The following TMCC3 variants were observed in gnomAD, a reference collection of about 807,000 sequenced individuals.
TMCC3 encodes the protein transmembrane and coiled-coil domain family 3.
TMCC3 carries 28 observed loss-of-function variants against 40.2 expected under a neutral mutation model. That is an observed-to-expected ratio of 0.70 (90% CI 0.52 to 0.95). The LOEUF (loss-of-function observed/expected upper bound fraction) is 0.95, where lower values mean the gene tolerates loss of function less well. Among genes scored for constraint, TMCC3 ranks in the 40% least tolerant of loss-of-function variants. TMCC3 has a pLI of 0.00. For missense variants in TMCC3, 554 were observed against 615.2 expected (o/e 0.90, Z 1.05); for synonymous variants, 255 against 248.5 (o/e 1.03, Z -0.25).
chr12:94,642,858 T>G (rs60271166), intron 1 of TMCC3, among the ~76,000 whole-genome samples: 24,099 of 152,118 alleles, frequency 0.16, 2,067 homozygotes, highest in African/African-American at 0.2. Context: ...ACAACCCTTG[T>G]AAAAACCTAA....
intron 3 of TMCC3, among the ~76,000 whole-genome samples, chr12:94,573,883 A>T (rs1163566621): frequency 6.6e-6 from 1 of 152,064 alleles, no homozygotes; most frequent in African/African-American, 2.4e-5. Flanking sequence ...TGATTGCCAC[A>T]TCCCTGGGGA....
At chr12:94,650,234 G>T (rs2069048225) in intron 1 of TMCC3, 119 bp downstream of exon 1, 1 of 521,248 alleles carries the variant, frequency 1.9e-6, no homozygotes, top group Non-Finnish European at 2.7e-6. Flanking sequence ...GACCTCCGGC[G>T]GCAGCGGAGG....
At position 94,613,085 on chromosome 12, in the gene TMCC3, T is replaced by C. The variant is rs183337520; in HGVS notation, c.79-30547A>G. 1.7e-3 allele frequency among the ~76,000 whole-genome samples: 249 copies of C among 150,748 alleles called. 2 individuals carry two copies. The highest frequency in any genetic ancestry group is 2.2e-3 in the Non-Finnish European group (147 of 67,692). On this transcript the variant is annotated intron_variant, in intron 1 of 3. Transcript: ENST00000261226. ...CGCACATTGGAGATATATATATATATACACACAATAAAATGGATACACACA... is the reference window on the plus strand; with the variant it reads ...CGCACATTGGAGATATATATATATACACACACAATAAAATGGATACACACA...
chr12:94,644,703 C>G (rs1406142990), intron 1 of TMCC3, among the ~76,000 whole-genome samples: 2 of 152,194 alleles, frequency 1.3e-5, no homozygotes, highest in African/African-American at 4.8e-5. Context: ...TATCTGTGTA[C>G]TACTCAACTT....
At chr12:94,645,003 A>G (rs765180847) in intron 1 of TMCC3, among the ~76,000 whole-genome samples, 4 of 152,222 alleles carry the variant, frequency 2.6e-5, no homozygotes, top group Admixed American at 6.5e-5. Flanking sequence ...TATTATCATC[A>G]TGTTCTCCTG....
At chr12:94,591,056 A>C in intron 1 of TMCC3, 1 of 529,138 alleles carries the variant, frequency 1.9e-6, no homozygotes, top group East Asian at 5.0e-5. Flanking sequence ...AAATCAAGGA[A>C]ACAGAATATT....
Position 94,582,388 on chromosome 12 carries a change from T to G in TMCC3, c.229A>C (p.Lys77Gln), listed in dbSNP as rs1485083580. Residue 77 changes from lysine (K) to glutamine (Q), a missense_variant, in exon 2 of 4, where the codon AAG becomes CAG. Transcript: ENST00000261226. ...TCAATTTTTATCTGCTCTGTTACCT[T>G]TAGAATTTTTTGCTTCAGGCTGTCT... ...TADSLKQKIL[K>Q]VTEQIKIEQT... is the part of the protein sequence containing the mutation. 6.2e-7 allele frequency: 1 copy of G among 1,613,964 alleles called. No individual in the cohort carries two copies. The highest frequency in any genetic ancestry group is 8.5e-7 in the Non-Finnish European group (1 of 1,180,006).
chr12:94,582,977 TTTTTTTTTTTTTTTTTTAA>T (rs1468537422), intron 1 of TMCC3, among the ~76,000 whole-genome samples: 1 of 69,490 alleles, frequency 1.4e-5, no homozygotes, highest in Non-Finnish European at 2.4e-5. Flanking sequence ...TTTTTTTTTT[TTTTTTTTTTTTTTTTTTAA>T]AAAAGAAAGA....
rs151221553 is a variant in TMCC3 at position 94,580,509 on chromosome 12, C to T, written c.995+1113G>A. ...CAGCACTTTGGGAGGACAAGGCGGG[C>T]GAATCACCTGAGGTCAGGTGTTTGA... On this transcript the variant is annotated intron_variant, in intron 2 of 3. Coordinates refer to ENST00000261226, the MANE Select transcript of TMCC3 (RefSeq NM_020698.4). Among the ~76,000 whole-genome samples the T allele has an allele frequency of 8.6e-3, 1,301 of 152,120 alleles. 18 individuals are homozygous for T. Among genetic ancestry groups the T allele is most frequent in the African/African-American group, 0.029 (1,211 of 41,502 alleles).
intron 1 of TMCC3, among the ~76,000 whole-genome samples, chr12:94,601,808 C>CAAAAAAAAAAAAAAA (rs61372290): frequency 7.8e-5 from 6 of 76,728 alleles, no homozygotes; most frequent in Admixed American, 1.6e-4. Flanking sequence ...GACCTGGTCT[C>CAAAAAAAAAAAAAAA]AAAAAAAAAA....
intron 1 of TMCC3, among the ~76,000 whole-genome samples, chr12:94,649,159 C>T (rs1275934232): frequency 6.6e-6 from 1 of 152,176 alleles, no homozygotes; most frequent in African/African-American, 2.4e-5. Flanking sequence ...AATCATCCTT[C>T]CAAAATGATT....
intron 1 of TMCC3, among the ~76,000 whole-genome samples, chr12:94,620,752 C>G (rs1221251213): frequency 1.3e-5 from 2 of 152,066 alleles, no homozygotes; most frequent in Non-Finnish European, 2.9e-5. Flanking sequence ...ACTGTATAGA[C>G]CAGATATACA....
At chr12:94,578,635 CCT>C (rs1466228036) in intron 2 of TMCC3, 106 bp from the exon 3 acceptor site, 6 of 1,249,682 alleles carry the variant, frequency 4.8e-6, no homozygotes, top group Middle Eastern at 2.4e-4. Flanking sequence ...GCTCTCATTC[CCT>C]GATGGGCTGT....
intron 1 of TMCC3, among the ~76,000 whole-genome samples, chr12:94,643,418 C>T (rs1199673305): frequency 6.6e-6 from 1 of 152,194 alleles, no homozygotes; most frequent in African/African-American, 2.4e-5. Context: ...GACACGTTTG[C>T]AGGCATGTCT....
chr12:94,650,000 C>A (rs1377455408), intron 1 of TMCC3, among the ~76,000 whole-genome samples: 1 of 152,186 alleles, frequency 6.6e-6, no homozygotes, highest in African/African-American at 2.4e-5. Context: ...CCTGGAGACG[C>A]GGGGCCGCGG....
At chr12:94,622,157 T>C (rs891370738) in intron 1 of TMCC3, among the ~76,000 whole-genome samples, 15 of 152,118 alleles carry the variant, frequency 9.9e-5, no homozygotes, top group African/African-American at 3.6e-4. Context: ...GCCTGCTCCT[T>C]ACTTTTGGGA....
intron 1 of TMCC3, among the ~76,000 whole-genome samples, chr12:94,587,923 C>T (rs944248421): frequency 6.6e-6 from 1 of 152,210 alleles, no homozygotes; most frequent in Non-Finnish European, 1.5e-5. Flanking sequence ...GCTGTTATTA[C>T]TTTAGATGAA....
intron 1 of TMCC3, among the ~76,000 whole-genome samples, chr12:94,641,267 A>G (rs1014556390): frequency 2.0e-5 from 3 of 152,102 alleles, no homozygotes; most frequent in Non-Finnish European, 4.4e-5. Context: ...TTGAGGGAGC[A>G]GCTCAGGCAT....
intron 1 of TMCC3, among the ~76,000 whole-genome samples, chr12:94,615,454 A>G (rs1283873308): frequency 1.3e-5 from 2 of 152,240 alleles, no homozygotes; most frequent in Admixed American, 6.5e-5. Flanking sequence ...TCAGTTTTAC[A>G]GAGTTTCAAG....
Sources: allele counts gnomAD v4.1 joint callset (sites outside exome capture counted in the v4.1 genomes callset), GRCh38; gene constraint gnomAD v4.1.1; transcripts MANE v1.5; gene names NCBI Gene and HGNC (gene_info 2026-07-23, HGNC 2026-07-21).